The following TNFRSF8 variants were observed in gnomAD, a reference collection of about 807,000 sequenced individuals.
The protein encoded by TNFRSF8 is TNF receptor superfamily member 8, also known as tumor necrosis factor receptor superfamily member 8.
Under a neutral mutation model 70.8 loss-of-function variants are expected in TNFRSF8, and 26 were observed. The ratio of observed to expected loss-of-function variants is 0.37; its 90% CI spans 0.27 to 0.51. TNFRSF8 has a LOEUF of 0.51. Among genes scored for constraint, TNFRSF8 ranks in the 20% least tolerant of loss-of-function variants. The probability of loss-of-function intolerance (pLI) is 0.94; values close to 1 mark genes in which losing one functional copy is unlikely to be tolerated. For synonymous variants in TNFRSF8, 356 were observed against 339.2 expected, an observed-to-expected ratio of 1.05 and a Z score of -0.54; for missense variants, 720 against 807.9, an observed-to-expected ratio of 0.89 and a Z score of 1.32.
At chr1:12,082,665 A>G (rs887751366) in intron 1 of TNFRSF8, among the ~76,000 whole-genome samples, 1 of 152,192 alleles carries the variant, frequency 6.6e-6, no homozygotes, top group Non-Finnish European at 1.5e-5. Context: ...CACCATGTAC[A>G]AGAATGAAAC....
Position 12,108,061 on chromosome 1 carries a change from C to G in TNFRSF8, c.422-1505C>G, listed in dbSNP as rs1641557804. 6.6e-6 allele frequency among the ~76,000 whole-genome samples: 1 copy of G among 150,780 alleles called. No homozygotes were observed. Among genetic ancestry groups the G allele is most frequent in the African/African-American group, 2.4e-5 (1 of 40,916 alleles). On this transcript the variant is annotated intron_variant, in intron 4 of 14. Transcript: ENST00000263932. This position sits in a 1 kb window ranked among gnomAD's most constrained non-coding sequence, Gnocchi z 4.0. ...GAAAGCTTCAGAGCGAAGTCCCACA[C>G]ATACAGGCCACCATTTTTTTATTTT...
At chr1:12,084,600 A>C in intron 2 of TNFRSF8, 49 bp downstream of exon 2, 2 of 1,535,068 alleles carry the variant, frequency 1.3e-6, no homozygotes, top group African/African-American at 1.4e-5. Context: ...TTTGTCCTCA[A>C]TTGATGACCC....
chr1:12,105,967 C>T (rs1273312470), intron 4 of TNFRSF8, among the ~76,000 whole-genome samples: 3 of 151,596 alleles, frequency 2.0e-5, no homozygotes, highest in Non-Finnish European at 4.4e-5. Flanking sequence ...AAGAAAACTC[C>T]AGGGACTCAC....
At chr1:12,076,109 T>G (rs1026249491) in intron 1 of TNFRSF8, among the ~76,000 whole-genome samples, 1 of 88,600 alleles carries the variant, frequency 1.1e-5, no homozygotes, top group Non-Finnish European at 1.9e-5. Context: ...TTTTCTTTTT[T>G]TTTTTTTTGA....
intron 4 of TNFRSF8, among the ~76,000 whole-genome samples, chr1:12,107,869 A>G (rs1641554055): frequency 1.3e-5 from 2 of 152,132 alleles, no homozygotes; most frequent in African/African-American, 2.4e-5. Context: ...TCACGTCTCC[A>G]TAAGACAGAC....
intron 12 of TNFRSF8, among the ~76,000 whole-genome samples, chr1:12,134,557 T>A (rs540792439): frequency 2.0e-5 from 3 of 152,120 alleles, no homozygotes; most frequent in South Asian, 2.1e-4. Flanking sequence ...GGTTGTGCGT[T>A]GAGAATCATT....
intron 2 of TNFRSF8, among the ~76,000 whole-genome samples, chr1:12,093,053 G>A (rs910658464): frequency 2.6e-5 from 4 of 152,080 alleles, no homozygotes; most frequent in East Asian, 3.9e-4. Context: ...TGATCTGCCC[G>A]CCTCGGCCTC....
intron 4 of TNFRSF8, 33 bp downstream of exon 4, chr1:12,104,564 A>T (rs1641486584): frequency 6.2e-7 from 1 of 1,613,214 alleles, no homozygotes; most frequent in African/African-American, 1.3e-5. Flanking sequence ...CAGGACAGAG[A>T]TCTATGCTGT....
At chr1:12,093,517 T>C (rs1044333173) in intron 2 of TNFRSF8, among the ~76,000 whole-genome samples, 1 of 152,006 alleles carries the variant, frequency 6.6e-6, no homozygotes, top group East Asian at 1.9e-4. Context: ...TGAGTGGACA[T>C]AGAAAGACTC....
Position 12,142,433 on chromosome 1 carries a change from G to C in TNFRSF8, c.1690G>C (p.Glu564Gln). 1 of 1,612,080 alleles carries C rather than the reference G, an allele frequency of 6.2e-7. No individual in the cohort carries two copies. The highest frequency in any genetic ancestry group is 1.1e-5 in the South Asian group (1 of 90,878). ...ADHTPHYPEQ[E>Q]TEPPLGSCSD... is the part of the protein sequence containing the mutation. Reference sequence around the variant, plus strand: ...CCATACCCCCCACTACCCCGAGCAGGAGACAGAACCGCCTCTGGGCAGCTG... The same window carrying C: ...CCATACCCCCCACTACCCCGAGCAGCAGACAGAACCGCCTCTGGGCAGCTG... Residue 564 changes from glutamate to glutamine, a missense_variant, in exon 15 of 15, where the codon GAG becomes CAG. Coordinates refer to ENST00000263932, the MANE Select transcript of TNFRSF8 (RefSeq NM_001243.5). This position sits in a 1 kb window ranked among gnomAD's most constrained non-coding sequence, Gnocchi z 5.0.
chr1:12,118,546 A>G (rs1031417469), intron 8 of TNFRSF8, among the ~76,000 whole-genome samples: 1 of 152,382 alleles, frequency 6.6e-6, no homozygotes, highest in Admixed American at 6.5e-5. Context: ...GGAATAGAAG[A>G]GTACTTAGCA....
At chr1:12,104,178 C>CT (rs916003690) in intron 3 of TNFRSF8, among the ~76,000 whole-genome samples, 29 of 152,020 alleles carry the variant, frequency 1.9e-4, no homozygotes, top group African/African-American at 6.0e-4. Context: ...TCCTCCATGT[C>CT]TTTTTTTTAT....
chr1:12,135,653 C>T (rs764525917), intron 13 of TNFRSF8, 40 bp downstream of exon 13: 2 of 1,612,024 alleles, frequency 1.2e-6, no homozygotes, highest in Non-Finnish European at 1.7e-6. Context: ...GCTTCGTGCC[C>T]CTAAATCTGA....
intron 12 of TNFRSF8, among the ~76,000 whole-genome samples, chr1:12,130,979 G>A (rs190247569): frequency 7.3e-4 from 111 of 152,216 alleles, no homozygotes; most frequent in Non-Finnish European, 1.1e-3. Context: ...TCCAGATTCC[G>A]CCTTTTTACC....
intron 3 of TNFRSF8, 89 bp downstream of exon 3, chr1:12,097,306 C>A: frequency 4.3e-6 from 4 of 935,820 alleles, no homozygotes; most frequent in Admixed American, 2.1e-5. Flanking sequence ...AGGTGGAGAG[C>A]ATCATGATTT....
chr1:12,064,868 C>T (rs1182935217), intron 1 of TNFRSF8, among the ~76,000 whole-genome samples: 3 of 152,034 alleles, frequency 2.0e-5, no homozygotes, highest in Non-Finnish European at 4.4e-5. Context: ...GTTTGGAGTG[C>T]CAAGGTCTTG....
At chr1:12,069,548 T>C (rs1198609862) in intron 1 of TNFRSF8, among the ~76,000 whole-genome samples, 1 of 152,204 alleles carries the variant, frequency 6.6e-6, no homozygotes, top group Non-Finnish European at 1.5e-5. Context: ...GTGAAGACTG[T>C]GACTTTGGGT....
rs991358390 is a variant in TNFRSF8, at chr1:12,125,310, C to A, written c.1154-641C>A. On this transcript the variant is annotated intron_variant, in intron 10 of 14. Coordinates refer to ENST00000263932, the MANE Select transcript of TNFRSF8 (RefSeq NM_001243.5). ...GGGTTAAGAGCGTGGCCCTGCAGTC[C>A]CCCCGGCCTGGCCTGGCCTGGGCTG... Among the ~76,000 whole-genome samples, 23 of 152,262 alleles carry A rather than the reference C, an allele frequency of 1.5e-4. 1 individual carries two copies. The highest frequency in any genetic ancestry group is 4.8e-4 in the African/African-American group (20 of 41,550).
intron 2 of TNFRSF8, among the ~76,000 whole-genome samples, chr1:12,085,671 A>C (rs1052733754): frequency 1.3e-5 from 2 of 151,716 alleles, no homozygotes; most frequent in Non-Finnish European, 2.9e-5. Context: ...ATGTTCCCCC[A>C]CCCCCAGCAC....
Sources: allele counts gnomAD v4.1 joint callset (sites outside exome capture counted in the v4.1 genomes callset), GRCh38; gene constraint gnomAD v4.1.1; non-coding constraint Gnocchi (gnomAD v3.1); transcripts MANE v1.5; gene names NCBI Gene and HGNC (gene_info 2026-07-23, HGNC 2026-07-21).